RAB40C: variants seen among roughly 807,000 people sequenced by gnomAD.
RAB40C encodes the protein ras-related protein Rab-40C.
RAB40C carries 8 observed loss-of-function variants against 28.1 expected under a neutral mutation model. That is an observed-to-expected ratio of 0.28 (90% CI 0.17 to 0.51). The LOEUF (loss-of-function observed/expected upper bound fraction) is 0.51, where lower values mean the gene tolerates loss of function less well. Ranked by LOEUF, RAB40C falls within the 20% of genes least tolerant of loss-of-function variation. RAB40C has a pLI of 0.97. For synonymous variants in RAB40C, 201 were observed against 171.7 expected (o/e 1.17, Z -1.34); for missense variants, 288 against 405.9 (o/e 0.71, Z 2.50).
intron 1 of RAB40C, among the ~76,000 whole-genome samples, chr16:597,867 G>A (rs951207475): frequency 6.8e-6 from 1 of 147,696 alleles, no homozygotes; most frequent in Non-Finnish European, 1.5e-5. Flanking sequence ...TTGGGAGGCC[G>A]AGGTAGGCGG....
In RAB40C at chr16:592,308, T is replaced by C. The variant is rs536922676; in HGVS notation, c.142+1875T>C. 2.0e-5 allele frequency among the ~76,000 whole-genome samples: 3 copies of C among 152,346 alleles called. No individual in the cohort carries two copies. In the East Asian group the frequency reaches 5.8e-4, roughly 29 times the overall value. On this transcript the variant is annotated intron_variant, in intron 1 of 5. Transcript: ENST00000248139. ...TCCCCCACTCTCTCAACTCGGGGGT[T>C]GGCAGAGCGTGGGATTACCTGGACT... is the stretch of plus-strand genomic sequence containing the variant.
chr16:595,081 C>T (rs555752411), intron 1 of RAB40C, among the ~76,000 whole-genome samples: 3 of 152,212 alleles, frequency 2.0e-5, no homozygotes, highest in South Asian at 4.1e-4. Context: ...GGGGGTTTTG[C>T]TCGTTTTCTG....
chr16:607,385 C>G (rs909381643), intron 1 of RAB40C, among the ~76,000 whole-genome samples: 4 of 151,872 alleles, frequency 2.6e-5, no homozygotes, highest in African/African-American at 9.7e-5. Context: ...TGCCTGTAAT[C>G]CCAGCTACTC....
At chr16:595,626 G>A (rs1455953265) in intron 1 of RAB40C, among the ~76,000 whole-genome samples, 1 of 144,998 alleles carries the variant, frequency 6.9e-6, no homozygotes, top group East Asian at 2.0e-4. Flanking sequence ...TTTTTGAGAC[G>A]GAGTCTAACT....
At chr16:626,549 C>G (rs752703249) in intron 5 of RAB40C, among the ~76,000 whole-genome samples, 7 of 152,164 alleles carry the variant, frequency 4.6e-5, no homozygotes, top group Non-Finnish European at 1.0e-4. Flanking sequence ...TGAAGCCCCC[C>G]TCAGGGAGGT....
chr16:606,162 G>C (rs930469237), intron 1 of RAB40C, among the ~76,000 whole-genome samples: 1 of 147,622 alleles, frequency 6.8e-6, no homozygotes, highest in African/African-American at 2.5e-5. Flanking sequence ...CAAGGTGTTG[G>C]CTGACACACA....
intron 3 of RAB40C, among the ~76,000 whole-genome samples, chr16:619,542 C>G (rs2036668062): frequency 6.6e-6 from 1 of 152,206 alleles, no homozygotes; most frequent in African/African-American, 2.4e-5. Context: ...GTCATGGCCA[C>G]TGTTGTTGCT....
intron 1 of RAB40C, among the ~76,000 whole-genome samples, chr16:607,658 G>T (rs552918119): frequency 6.6e-6 from 1 of 152,138 alleles, no homozygotes; most frequent in Non-Finnish European, 1.5e-5. Flanking sequence ...AGGCGCGGTG[G>T]TGGGCGCCTG....
At chr16:607,466 A>G (rs111247309) in intron 1 of RAB40C, among the ~76,000 whole-genome samples, 26,065 of 145,162 alleles carry the variant, frequency 0.18, 2,538 homozygotes, top group South Asian at 0.25. Context: ...TTGCGCCACC[A>G]CACTCCGGCC....
rs60094426 is a variant in RAB40C, at chr16:601,815, T to TAAAAAAAAAA, written c.142+11403_142+11412dup. Reference sequence around the variant, plus strand: ...AAGGCCCTATCCCTGCAAAAAAAAGTAAAAAAAAAAAAAAAAAAAAAAAAA... The same window carrying TAAAAAAAAAA: ...AAGGCCCTATCCCTGCAAAAAAAAGTAAAAAAAAAAAAAAAAAAAAAAAAAAAAAAAAAAA... On this transcript the variant is annotated intron_variant, in intron 1 of 5. Coordinates refer to ENST00000248139, the MANE Select transcript of RAB40C (RefSeq NM_021168.5). 2.3e-3 allele frequency among the ~76,000 whole-genome samples: 63 copies of TAAAAAAAAAA among 27,198 alleles called. 5 individuals carry two copies. Among genetic ancestry groups the TAAAAAAAAAA allele is most frequent in the Non-Finnish European group, 3.5e-3 (49 of 14,018 alleles). The allele number at this position is 27,198 out of a possible 152,430, so 17.8% of individuals were successfully genotyped here. A position where few individuals can be genotyped will look rare whatever the true frequency, so the allele number is the denominator to read the frequency against.
chr16:627,254 G>A (rs1350544267), intron 5 of RAB40C, 88 bp from the exon 6 acceptor site: 9 of 1,351,590 alleles, frequency 6.7e-6, no homozygotes, highest in South Asian at 1.3e-5. Context: ...TGGAGACCCC[G>A]CCAGGCTTCT....
intron 1 of RAB40C, among the ~76,000 whole-genome samples, chr16:604,904 A>G (rs903756699): frequency 6.6e-6 from 1 of 152,202 alleles, no homozygotes; most frequent in African/African-American, 2.4e-5. Context: ...TACTAAAAAT[A>G]CAAAGTTAGC....
At chr16:620,792 C>A (rs573605157) in intron 3 of RAB40C, among the ~76,000 whole-genome samples, 3 of 108,722 alleles carry the variant, frequency 2.8e-5, no homozygotes, top group Non-Finnish European at 5.5e-5. Context: ...GGCATCCCAG[C>A]CCCCCGCCGA....
At chr16:593,372 G>A (rs1429382072) in intron 1 of RAB40C, among the ~76,000 whole-genome samples, 5 of 152,230 alleles carry the variant, frequency 3.3e-5, no homozygotes, top group East Asian at 1.9e-4. Flanking sequence ...TCTGGCCCTC[G>A]TGGGAAGGAC....
Position 597,653 on chromosome 16 carries a change from A to AT in RAB40C, c.142+7226dup, listed in dbSNP as rs1421727847. On this transcript the variant is annotated intron_variant, in intron 1 of 5. Transcript: ENST00000248139. ...AGGCATGCACCACCACACCTGGCTA[A>AT]TTTTTTACATTTTTAGTAGAGACAG... Among the ~76,000 whole-genome samples the AT allele has an allele frequency of 1.3e-4, 19 of 151,706 alleles. No homozygotes were observed. The South Asian group carries it at 4.0e-3, about 32-fold the overall frequency.
Position 615,124 on chromosome 16 carries a change from T to C in RAB40C, c.143-2084T>C, listed in dbSNP as rs1359074753. ...TGTTGAGTTGGAGTTATTTGTAGAG[T>C]CTAGAGATCAGTCTCTAGGAGACGT... is the stretch of plus-strand genomic sequence containing the variant. On this transcript the variant is annotated intron_variant, in intron 1 of 5. Coordinates refer to ENST00000248139, the MANE Select transcript of RAB40C (RefSeq NM_021168.5). Among the ~76,000 whole-genome samples, 4 of 152,162 alleles carry C rather than the reference T, an allele frequency of 2.6e-5. No individual in the cohort carries two copies. In the East Asian group the frequency reaches 5.8e-4, roughly 22 times the overall value.
In RAB40C at chr16:617,247, G is replaced by A. The variant is rs760354318; in HGVS notation, c.182G>A (p.Arg61Gln). ...ACCACCACCATCCTGCTGGACGGCC[G>A]GCGCGTGAAGCTGGAGCTCTGGTGA... The part of the protein sequence containing the change: ...YKTTTILLDG[R>Q]RVKLELWDTS... Residue 61 changes from arginine (R) to glutamine (Q), a missense_variant, in exon 2 of 6, where the codon CGG (arginine) becomes CAG (glutamine). Arg to Gln is a conservative substitution (Grantham distance 43, BLOSUM62 1). Around this residue, in one of 3 missense-constraint regions of RAB40C, gnomAD observed 78 missense variants for 88.2 expected, o/e 0.88. Coordinates refer to ENST00000248139, the MANE Select transcript of RAB40C (RefSeq NM_021168.5). 2.5e-6 allele frequency: 4 copies of A among 1,614,126 alleles called. No individual in the cohort carries two copies. Among genetic ancestry groups the A allele is most frequent in the South Asian group, 1.1e-5 (1 of 91,086 alleles).
At chr16:604,394 G>A (rs1324843659) in intron 1 of RAB40C, among the ~76,000 whole-genome samples, 1 of 152,184 alleles carries the variant, frequency 6.6e-6, no homozygotes, top group East Asian at 1.9e-4. Flanking sequence ...GAATCCTTCT[G>A]AAGGTGTTTC....
chr16:615,657 A>G (rs2036570548), intron 1 of RAB40C, among the ~76,000 whole-genome samples: 1 of 152,238 alleles, frequency 6.6e-6, no homozygotes. Flanking sequence ...CTGTAAGGAA[A>G]TAAAAAGTAA....
Sources: allele counts gnomAD v4.1 joint callset (sites outside exome capture counted in the v4.1 genomes callset), GRCh38; gene constraint gnomAD v4.1.1; regional missense constraint gnomAD v4.1.1; transcripts MANE v1.5; gene names NCBI Gene and HGNC (gene_info 2026-07-23, HGNC 2026-07-21).